The following ADAM22 variants were observed in gnomAD, a reference collection of about 807,000 sequenced individuals.
ADAM22 encodes the protein ADAM metallopeptidase domain 22, also known as disintegrin and metalloproteinase domain-containing protein 22.
ADAM22 carries 65 observed loss-of-function variants against 144.6 expected under a neutral mutation model. The ratio of observed to expected loss-of-function variants is 0.45; its 90% CI spans 0.37 to 0.55. The LOEUF is 0.55. Among genes scored for constraint, ADAM22 ranks in the 20% least tolerant of loss-of-function variants. ADAM22 has a pLI of 0.00. For synonymous variants in ADAM22, 391 were observed against 412.6 expected, an observed-to-expected ratio of 0.95 and a Z score of 0.63; for missense variants, 974 against 1,184.9, an observed-to-expected ratio of 0.82 and a Z score of 2.61.
At chr7:88,055,071 A>G (rs1436941573) in intron 3 of ADAM22, among the ~76,000 whole-genome samples, 1 of 152,082 alleles carries the variant, frequency 6.6e-6, no homozygotes, top group Non-Finnish European at 1.5e-5. Context: ...TTATAATGGA[A>G]CATGCTGCTG....
chr7:87,989,653 C>T (rs1182171177), intron 3 of ADAM22, among the ~76,000 whole-genome samples: 4 of 152,194 alleles, frequency 2.6e-5, no homozygotes, highest in African/African-American at 7.2e-5. Flanking sequence ...TGGTGGCTCA[C>T]GCCTATAATC....
intron 26 of ADAM22, among the ~76,000 whole-genome samples, chr7:88,174,018 A>G (rs1262392348): frequency 6.6e-6 from 1 of 152,136 alleles, no homozygotes; most frequent in Non-Finnish European, 1.5e-5. Context: ...TTGACACTAA[A>G]TGCAAGACCT....
chr7:88,145,726 A>G (rs1223955316), intron 17 of ADAM22, among the ~76,000 whole-genome samples: 1 of 152,172 alleles, frequency 6.6e-6, no homozygotes, highest in Non-Finnish European at 1.5e-5. Context: ...TGTAGTGGTT[A>G]AGTAGTTTGC....
chr7:87,985,713 G>A (rs1788317875), intron 3 of ADAM22, among the ~76,000 whole-genome samples: 1 of 152,106 alleles, frequency 6.6e-6, no homozygotes, highest in African/African-American at 2.4e-5. Context: ...TCACCCGATG[G>A]TGGACATTTG....
intron 13 of ADAM22, among the ~76,000 whole-genome samples, chr7:88,134,683 A>C (rs1832583670): frequency 6.6e-6 from 1 of 152,188 alleles, no homozygotes. Flanking sequence ...AAGGGACAAA[A>C]TTAGCCCAGT....
intron 3 of ADAM22, among the ~76,000 whole-genome samples, chr7:87,988,852 T>C (rs1167018950): frequency 2.6e-5 from 4 of 152,198 alleles, no homozygotes; most frequent in Non-Finnish European, 5.9e-5. Context: ...AAAATAACTC[T>C]GTTACAGGCA....
At chr7:87,971,461 A>G (rs1850425086) in intron 2 of ADAM22, among the ~76,000 whole-genome samples, 1 of 152,192 alleles carries the variant, frequency 6.6e-6, no homozygotes, top group Non-Finnish European at 1.5e-5. Context: ...TTATATACTA[A>G]GGATCTTGTA....
Position 88,130,409 on chromosome 7 carries a change from G to A in ADAM22, c.775G>A (p.Val259Ile), listed in dbSNP as rs558399747. 24 of 1,612,574 alleles carry A rather than the reference G, an allele frequency of 1.5e-5. No individual in the cohort carries two copies. Among genetic ancestry groups the A allele is most frequent in the South Asian group, 4.4e-5 (4 of 90,930 alleles). The change falls in exon 10 of 32, where the codon GTT (valine) becomes ATT (isoleucine). Residue 259 changes from valine to isoleucine, a missense_variant. Transcript: ENST00000413139. ...TCAGTTTAAAAAACATCGGCTTTCC[G>A]TTGTACATACCAATACCTATGCGAA... Reference protein sequence around the residue: ...HLMFKKHRLSVVHTNTYAKSV... With the variant: ...HLMFKKHRLSIVHTNTYAKSV...
Position 88,201,811 on chromosome 7 carries a change from T to C in ADAM22, c.*5320T>C, listed in dbSNP as rs1399870880. 4 of 152,160 alleles carry C rather than the reference T, an allele frequency of 2.6e-5. No individual in the cohort carries two copies. The highest frequency in any genetic ancestry group is 1.3e-4 in the Admixed American group (2 of 15,268). The allele number at this position is 152,160 out of a possible 1,614,324, so 9.4% of individuals were successfully genotyped here. A position where few individuals can be genotyped will look rare whatever the true frequency, so the allele number is the denominator to read the frequency against. ...TTCTTAAGATAATGCACATACAGAA[T>C]CATCAATAAAGTTTCAAAGAGTTTA... On this transcript the variant is annotated 3_prime_UTR_variant, in exon 32 of 32. Transcript: ENST00000413139.
At chr7:88,118,722 G>A (rs1828488513) in intron 7 of ADAM22, among the ~76,000 whole-genome samples, 1 of 147,134 alleles carries the variant, frequency 6.8e-6, no homozygotes, top group Admixed American at 6.9e-5. Flanking sequence ...CAGAAACTTT[G>A]ATGGTGACTT....
At chr7:88,185,699 CTG>C (rs1848143229) in intron 29 of ADAM22, 2 of 152,242 alleles carry the variant, frequency 1.3e-5, no homozygotes, top group South Asian at 2.1e-4. Context: ...AAAGGAAACT[CTG>C]GGGAAAACCA....
At chr7:88,029,496 G>A (rs1462776085) in intron 3 of ADAM22, among the ~76,000 whole-genome samples, 2 of 152,052 alleles carry the variant, frequency 1.3e-5, no homozygotes, top group Admixed American at 6.5e-5. Context: ...TGTAAGATAT[G>A]AGTAGTTTAT....
intron 2 of ADAM22, among the ~76,000 whole-genome samples, chr7:87,966,812 T>TCTGTC (rs1849242111): frequency 1.4e-5 from 2 of 144,154 alleles, no homozygotes; most frequent in Middle Eastern, 3.6e-3. Flanking sequence ...TGATGTAATC[T>TCTGTC]CTGTCCTAGG....
At chr7:88,097,101 G>A (rs1056781620) in intron 4 of ADAM22, among the ~76,000 whole-genome samples, 28 of 150,938 alleles carry the variant, frequency 1.9e-4, no homozygotes, top group African/African-American at 6.1e-4. Context: ...GTGCAAGAGA[G>A]CCTTACATGC....
At chr7:87,999,319 C>A (rs975394764) in intron 3 of ADAM22, among the ~76,000 whole-genome samples, 1 of 152,162 alleles carries the variant, frequency 6.6e-6, no homozygotes, top group South Asian at 2.1e-4. Context: ...TACACAATCA[C>A]ACAACATAGC....
intron 3 of ADAM22, among the ~76,000 whole-genome samples, chr7:88,044,552 T>C (rs2129472625): frequency 6.6e-6 from 1 of 151,618 alleles, no homozygotes; most frequent in East Asian, 1.9e-4. Flanking sequence ...GTTCAATCAA[T>C]TCTCCTGCCT....
At chr7:88,149,830 GATTTT>G (rs1172392273) in intron 18 of ADAM22, among the ~76,000 whole-genome samples, 1 of 152,104 alleles carries the variant, frequency 6.6e-6, no homozygotes, top group African/African-American at 2.4e-5. Context: ...AGAATTAAAG[GATTTT>G]ATTTCTTTGT....
intron 3 of ADAM22, among the ~76,000 whole-genome samples, chr7:88,017,000 C>G (rs189070219): frequency 6.6e-6 from 1 of 152,170 alleles, no homozygotes; most frequent in Admixed American, 6.5e-5. Context: ...CACCTGTAGT[C>G]CCAGCTTCTT....
At position 88,181,365 on chromosome 7, in the gene ADAM22, C is replaced by T. The variant is rs1379490504; in HGVS notation, c.2496-140C>T. 3 of 681,334 alleles carry T rather than the reference C, an allele frequency of 4.4e-6. No individual in the cohort carries two copies. The East Asian group carries it at 8.3e-5, about 19-fold the overall frequency. 42.2% of individuals were successfully genotyped at this position (681,334 alleles called of 1,614,324 possible). On this transcript the variant is annotated intron_variant, in intron 27 of 31. Coordinates refer to ENST00000413139, the MANE Select transcript of ADAM22 (RefSeq NM_001324418.2). Reference sequence around the variant, plus strand: ...TTCTTCATGAAGACTTTCATGTTCTCTTCATTCTTTCATTTCAGATTTTTT... The same window carrying T: ...TTCTTCATGAAGACTTTCATGTTCTTTTCATTCTTTCATTTCAGATTTTTT...
Sources: gnomAD v4.1 joint callset for allele counts (sites outside exome capture counted in the v4.1 genomes callset) on GRCh38, gnomAD v4.1.1 for gene constraint, MANE v1.5 for transcripts, NCBI Gene and HGNC (gene_info 2026-07-23, HGNC 2026-07-21) for gene names.